The following COL12A1 variants were observed in gnomAD, a reference collection of about 807,000 sequenced individuals.
The protein encoded by COL12A1 is collagen type XII alpha 1 chain, also known as collagen alpha-1(XII) chain.
Under a neutral mutation model 349.7 loss-of-function variants are expected in COL12A1, and 114 were observed. The ratio of observed to expected loss-of-function variants is 0.33; its 90% CI spans 0.28 to 0.38. The LOEUF (loss-of-function observed/expected upper bound fraction) is 0.38. Ranked by LOEUF, COL12A1 falls within the 10% of genes least tolerant of loss-of-function variation. COL12A1 has a pLI of 1.00. For synonymous variants in COL12A1, 1,369 were observed against 1,329.0 expected, an observed-to-expected ratio of 1.03 and a Z score of -0.66; for missense variants, 3,284 against 3,756.9, an observed-to-expected ratio of 0.87 and a Z score of 3.29.
At position 75,126,376 on chromosome 6, in the gene COL12A1, T is replaced by C. The variant is rs757397618; in HGVS notation, c.6435A>G (p.Gly2145=). 6.2e-7 allele frequency: 1 copy of C among 1,611,080 alleles called. No individual in the cohort carries two copies. Among genetic ancestry groups the C allele is most frequent in the Non-Finnish European group, 8.5e-7 (1 of 1,177,656 alleles). ...SWDPSPSPVL[G]YKIVYKPVGS... The stretch of plus-strand genomic sequence containing the variant: ...CCACTGGCTTATATACTATTTTATA[T>C]CCAAGAACTGGAGAAGGTGAAGGAT... Residue 2145 remains glycine (G), a synonymous_variant, in exon 39 of 66, where the codon GGA becomes GGG. Transcript: ENST00000322507.
rs564781865 is a variant in COL12A1 at position 75,138,828 on chromosome 6, C to T, written c.5091G>A (p.Lys1697=). The T allele has an allele frequency of 1.2e-6, 2 of 1,613,988 alleles. No homozygotes were observed. The highest frequency in any genetic ancestry group is 2.7e-5 in the African/African-American group (2 of 75,056). ...GATAAAGAGAGTTAACTACCTCCAT[C>T]TTATCTGAGCTTCCAAAAGGTGCCC... is the stretch of plus-strand genomic sequence containing the variant. The part of the protein sequence containing the change: ...ITWAPFGSSD[K]METILNGDEN... Residue 1697 remains lysine, a synonymous_variant, in exon 28 of 66, where the codon AAG becomes AAA. Coordinates refer to ENST00000322507, the MANE Select transcript of COL12A1 (RefSeq NM_004370.6).
intron 5 of COL12A1, 113 bp from the exon 6 acceptor site, chr6:75,189,928 T>A (rs1276384249): frequency 2.1e-5 from 25 of 1,164,966 alleles, no homozygotes; most frequent in Non-Finnish European, 2.9e-5. Flanking sequence ...TTAGAACATA[T>A]TCACCAATTG....
At chr6:75,192,132 T>C (rs1028672102) in intron 4 of COL12A1, 80 bp downstream of exon 4, 44 of 1,166,754 alleles carry the variant, frequency 3.8e-5, no homozygotes, top group African/African-American at 4.7e-5. Flanking sequence ...CTTTGTATCA[T>C]AAAAGATTAA....
intron 58 of COL12A1, among the ~76,000 whole-genome samples, chr6:75,097,999 C>A (rs1768135926): frequency 6.6e-6 from 1 of 152,170 alleles, no homozygotes; most frequent in Non-Finnish European, 1.5e-5. Flanking sequence ...CTGGTCAATA[C>A]ATCATGTTCT....
intron 14 of COL12A1, among the ~76,000 whole-genome samples, chr6:75,163,064 G>C (rs114142785): frequency 0.033 from 5,025 of 152,298 alleles, 120 homozygotes; most frequent in South Asian, 0.1. Flanking sequence ...ACTGTTGGTA[G>C]CAGTGTAAAT....
intron 8 of COL12A1, among the ~76,000 whole-genome samples, chr6:75,184,746 C>T (rs1265293243): frequency 6.6e-6 from 1 of 152,158 alleles, no homozygotes; most frequent in Non-Finnish European, 1.5e-5. Context: ...TTATAACATG[C>T]ATATTAACGC....
intron 17 of COL12A1, among the ~76,000 whole-genome samples, chr6:75,153,325 C>T (rs1011548077): frequency 4.0e-5 from 6 of 151,836 alleles, no homozygotes; most frequent in African/African-American, 1.5e-4. Context: ...GAAAATAATC[C>T]CAACATCCTC....
rs367761552 is a variant in COL12A1 at position 75,139,013 on chromosome 6, G to A, written c.4958-52C>T. ...AAGTTTTTGAATGTGAGCTGCAAAT[G>A]CAATTTAATATAATAAAAACTGCCT... On this transcript the variant is annotated intron_variant, in intron 27 of 65. Coordinates refer to ENST00000322507, the MANE Select transcript of COL12A1 (RefSeq NM_004370.6). The A allele has an allele frequency of 4.6e-5, 74 of 1,600,740 alleles. No individual in the cohort carries two copies. In the Admixed American group the frequency reaches 1.2e-3, roughly 26 times the overall value.
At chr6:75,177,242 G>A (rs1769007565) in intron 12 of COL12A1, among the ~76,000 whole-genome samples, 1 of 152,080 alleles carries the variant, frequency 6.6e-6, no homozygotes, top group South Asian at 2.1e-4. Context: ...TCTCAGACCA[G>A]CCTGGCCAAC....
intron 12 of COL12A1, 83 bp downstream of exon 12, chr6:75,177,580 T>C: frequency 6.5e-7 from 1 of 1,534,518 alleles, no homozygotes; most frequent in Non-Finnish European, 8.9e-7. Flanking sequence ...GTCTCATTAG[T>C]TTTTTATCTG....
Position 75,146,229 on chromosome 6 carries a change from A to T in COL12A1, c.4433T>A (p.Val1478Asp). 6.2e-7 allele frequency: 1 copy of T among 1,604,462 alleles called. No individual in the cohort carries two copies. The highest frequency in any genetic ancestry group is 1.3e-5 in the African/African-American group (1 of 74,512). ...GTEKTLPVPV[V>D]SLNIYDVGPT... is the part of the protein sequence containing the mutation. ...GCCAACATCATAAATATTCAGGCTG[A>T]CTACAGGCACTGGCACTTCCAAAAC... The change falls in exon 24 of 66, where the codon GTC (valine) becomes GAC (aspartate). Residue 1478 changes from valine (V) to aspartate (D), a missense_variant. Val to Asp is a radical substitution (Grantham distance 152). Around this residue, in one of 2 missense-constraint regions of COL12A1, gnomAD observed 2,601 missense variants for 2,824.8 expected, o/e 0.92. Coordinates refer to ENST00000322507, the MANE Select transcript of COL12A1 (RefSeq NM_004370.6).
At chr6:75,109,935 A>G (rs915310930) in intron 51 of COL12A1, among the ~76,000 whole-genome samples, 5 of 152,096 alleles carry the variant, frequency 3.3e-5, no homozygotes, top group Admixed American at 1.3e-4. Flanking sequence ...ATGACTTTGA[A>G]AAGTTTGGCA....
At chr6:75,155,636 T>C in intron 16 of COL12A1, 26 bp downstream of exon 16, 1 of 1,581,460 alleles carries the variant, frequency 6.3e-7, no homozygotes, top group Non-Finnish European at 8.6e-7. Flanking sequence ...ATTTCATCCT[T>C]TGATACAAAC....
intron 23 of COL12A1, among the ~76,000 whole-genome samples, chr6:75,147,261 C>G (rs1327577466): frequency 6.6e-6 from 1 of 152,184 alleles, no homozygotes; most frequent in Non-Finnish European, 1.5e-5. Flanking sequence ...GGTATCCTTC[C>G]TCATATCTTA....
chr6:75,106,579 C>A, intron 52 of COL12A1, 83 bp from the exon 53 acceptor site: 3 of 1,148,008 alleles, frequency 2.6e-6, no homozygotes, highest in Non-Finnish European at 3.9e-6. Flanking sequence ...ACATTGCCAA[C>A]TTCTCACACA....
intron 56 of COL12A1, 128 bp from the exon 57 acceptor site, chr6:75,102,180 G>A: frequency 1.2e-6 from 1 of 855,620 alleles, no homozygotes; most frequent in South Asian, 1.7e-5. Context: ...AATGAGCACA[G>A]AAGGGTATTT....
Position 75,113,221 on chromosome 6 carries a change from A to C in COL12A1, c.7933T>G (p.Tyr2645Asp), listed in dbSNP as rs1768918334. The change falls in exon 51 of 66, where the codon TAT (tyrosine) becomes GAT (aspartate). Residue 2645 changes from tyrosine to aspartate, a missense_variant. By Grantham distance (160) the Tyr-to-Asp change is radical. Coordinates refer to ENST00000322507, the MANE Select transcript of COL12A1 (RefSeq NM_004370.6). ...FDTEEVKTLF[Y>D]GSFHKVHIVV... ...GTTTTTACCTTGTGAAAACTTCCAT[A>C]AAATAATGTCTTTACTTCTTCTGTG... is the stretch of plus-strand genomic sequence containing the variant. 1 of 1,548,750 alleles carries C rather than the reference A, an allele frequency of 6.5e-7. No individual in the cohort carries two copies. The highest frequency in any genetic ancestry group is 1.4e-5 in the African/African-American group (1 of 71,976).
chr6:75,109,229 A>G, intron 51 of COL12A1, 62 bp from the exon 52 acceptor site: 1 of 1,191,338 alleles, frequency 8.4e-7, no homozygotes, highest in Non-Finnish European at 1.2e-6. Context: ...CTGACTCTGC[A>G]TAGTTTAGAT....
intron 52 of COL12A1, among the ~76,000 whole-genome samples, 165 bp from the exon 53 acceptor site, chr6:75,106,661 A>G (rs546769829): frequency 6.6e-6 from 1 of 152,296 alleles, no homozygotes; most frequent in African/African-American, 2.4e-5. Flanking sequence ...ATGAAAACAT[A>G]TGCCTACGAG....
Sources: allele counts gnomAD v4.1 joint callset (sites outside exome capture counted in the v4.1 genomes callset), GRCh38; gene constraint gnomAD v4.1.1; regional missense constraint gnomAD v4.1.1; transcripts MANE v1.5; gene names NCBI Gene and HGNC (gene_info 2026-07-23, HGNC 2026-07-21).